GLIS3: variants seen among roughly 807,000 people sequenced by gnomAD.
The protein encoded by GLIS3 is zinc finger protein GLIS3.
Under a neutral mutation model 78.6 loss-of-function variants are expected in GLIS3, and 53 were observed. That is an observed-to-expected ratio of 0.67 (90% CI 0.54 to 0.85). The LOEUF (loss-of-function observed/expected upper bound fraction) is 0.85. Among genes scored for constraint, GLIS3 ranks in the 40% least tolerant of loss-of-function variants. GLIS3 has a pLI of 0.00. For synonymous variants in GLIS3, 684 were observed against 509.9 expected (o/e 1.34, Z -4.60); for missense variants, 1,703 against 1,231.1 (o/e 1.38, Z -5.74).
chr9:4,089,876 G>A (rs1829347986), intron 4 of GLIS3, among the ~76,000 whole-genome samples: 2 of 152,154 alleles, frequency 1.3e-5, no homozygotes, highest in African/African-American at 4.8e-5. Flanking sequence ...TAATTAGACA[G>A]TGACAAAGGG....
the GLIS3 span, among the ~76,000 whole-genome samples, chr9:4,426,999 G>C: frequency 6.6e-6 from 1 of 152,200 alleles, no homozygotes; most frequent in Non-Finnish European, 1.5e-5. Context: ...CCATGTCTTA[G>C]TCACCATTTT....
intron 2 of GLIS3, among the ~76,000 whole-genome samples, chr9:4,261,400 T>G (rs1159583076): frequency 6.6e-6 from 1 of 152,036 alleles, no homozygotes; most frequent in South Asian, 2.1e-4. Context: ...GGGTACAGAT[T>G]AAGATAAAAA....
chr9:4,220,203 A>C (rs1279549701), intron 2 of GLIS3, among the ~76,000 whole-genome samples: 1 of 152,356 alleles, frequency 6.6e-6, no homozygotes, highest in East Asian at 1.9e-4. Context: ...ATAAATAAAT[A>C]ATCTTTCTAA....
At chr9:4,365,235 C>G in the GLIS3 span, among the ~76,000 whole-genome samples, 4 of 151,996 alleles carry the variant, frequency 2.6e-5, no homozygotes. Flanking sequence ...ACATGCATGG[C>G]GTAAGATATG....
chr9:4,488,649 A>T, the GLIS3 span, among the ~76,000 whole-genome samples: 2 of 151,698 alleles, frequency 1.3e-5, no homozygotes, highest in Admixed American at 6.6e-5. Context: ...CCTCCCGAAT[A>T]GCTGGGATTA....
chr9:4,073,303 G>T (rs996533213), intron 4 of GLIS3, among the ~76,000 whole-genome samples: 1 of 152,168 alleles, frequency 6.6e-6, no homozygotes, highest in Non-Finnish European at 1.5e-5. Flanking sequence ...TCAAACCTCA[G>T]TGCACAATCA....
chr9:3,918,270 G>A (rs908380970), intron 6 of GLIS3, among the ~76,000 whole-genome samples: 3 of 152,206 alleles, frequency 2.0e-5, no homozygotes, highest in Non-Finnish European at 2.9e-5. Context: ...TTGCAATTAA[G>A]AAGGACCAAC....
the GLIS3 span, among the ~76,000 whole-genome samples, chr9:4,372,195 C>A: frequency 6.6e-6 from 1 of 152,330 alleles, no homozygotes; most frequent in South Asian, 2.1e-4. Context: ...GTGCCAGTTT[C>A]ATCATGTATG....
At chr9:4,399,125 T>C in the GLIS3 span, among the ~76,000 whole-genome samples, 9 of 152,202 alleles carry the variant, frequency 5.9e-5, no homozygotes, top group Non-Finnish European at 1.3e-4. Flanking sequence ...TAGTTAACAC[T>C]AATATGTATT....
At chr9:4,236,173 C>A (rs1361316292) in intron 2 of GLIS3, among the ~76,000 whole-genome samples, 1 of 77,824 alleles carries the variant, frequency 1.3e-5, no homozygotes, top group African/African-American at 5.1e-5. Flanking sequence ...GAAAACTTGA[C>A]GTGGTTGTCA....
At chr9:4,314,708 T>G (rs1378205588) in intron 2 of GLIS3, among the ~76,000 whole-genome samples, 2 of 152,176 alleles carry the variant, frequency 1.3e-5, no homozygotes, top group Admixed American at 1.3e-4. Flanking sequence ...GAACACTGAT[T>G]TTTCTGGAGC....
At chr9:4,243,487 G>C (rs1406820027) in intron 2 of GLIS3, among the ~76,000 whole-genome samples, 1 of 152,110 alleles carries the variant, frequency 6.6e-6, no homozygotes, top group Admixed American at 6.6e-5. Flanking sequence ...CTGCCAATGA[G>C]AAATGGTTCT....
At chr9:4,271,013 C>A (rs1453589956) in intron 2 of GLIS3, among the ~76,000 whole-genome samples, 2 of 151,908 alleles carry the variant, frequency 1.3e-5, no homozygotes, top group African/African-American at 4.8e-5. Flanking sequence ...CCTCAGCCAC[C>A]CCTGAGACAG....
rs1817660415 is a variant in GLIS3 at position 3,825,147 on chromosome 9, A to G, written c.*3125T>C. 1.3e-5 allele frequency: 2 copies of G among 152,204 alleles called. No individual in the cohort carries two copies. Among genetic ancestry groups the G allele is most frequent in the Admixed American group, 1.3e-4 (2 of 15,270 alleles). 9.4% of individuals were successfully genotyped at this position (152,204 alleles called of 1,614,324 possible). A position where few individuals can be genotyped will look rare whatever the true frequency, so the allele number is the denominator to read the frequency against. ...TTGCTCAAAATTGGTTTTAGGGGCTACTGTGCTTGACGGCTGGTAATTTAG... is the reference window on the plus strand; with the variant it reads ...TTGCTCAAAATTGGTTTTAGGGGCTGCTGTGCTTGACGGCTGGTAATTTAG... On this transcript the variant is annotated 3_prime_UTR_variant, in exon 11 of 11. Transcript: ENST00000381971.
chr9:4,305,186 C>T (rs1186512971), intron 4 of GLIS3: 1 of 152,198 alleles, frequency 6.6e-6, no homozygotes, highest in East Asian at 1.9e-4. Context: ...ACCTATTAAC[C>T]ATTGCTCTAT....
chr9:4,279,374 T>A (rs1366578651), intron 2 of GLIS3, among the ~76,000 whole-genome samples: 2 of 138,966 alleles, frequency 1.4e-5, no homozygotes, highest in Admixed American at 7.4e-5. Flanking sequence ...TAATACATAT[T>A]ATATATATTT....
At chr9:4,436,768 T>G in the GLIS3 span, among the ~76,000 whole-genome samples, 1 of 124,902 alleles carries the variant, frequency 8.0e-6, no homozygotes, top group Admixed American at 1.0e-4. Context: ...ATTGCACCAT[T>G]GGCCATTGCA....
intron 4 of GLIS3, among the ~76,000 whole-genome samples, chr9:3,966,038 T>C (rs779327585): frequency 7.9e-5 from 12 of 152,260 alleles, no homozygotes; most frequent in Non-Finnish European, 1.5e-4. Context: ...TAATTTTCAT[T>C]TCAACAGAAA....
intron 6 of GLIS3, among the ~76,000 whole-genome samples, chr9:3,903,296 T>TA (rs1310893114): frequency 6.6e-6 from 1 of 152,216 alleles, no homozygotes; most frequent in African/African-American, 2.4e-5. Flanking sequence ...TTCACAGGGA[T>TA]AAAAAAGGTT....
Sources: gnomAD v4.1 joint callset for allele counts (sites outside exome capture counted in the v4.1 genomes callset) on GRCh38, gnomAD v4.1.1 for gene constraint, MANE v1.5 for transcripts, NCBI Gene and HGNC (gene_info 2026-07-23, HGNC 2026-07-21) for gene names.